Variants in KCNQ5 observed in about 807,000 individuals in gnomAD.
The protein encoded by KCNQ5 is potassium voltage-gated channel subfamily Q member 5.
In KCNQ5, 30 loss-of-function variants were observed where a neutral mutation model predicts 98.2. The observed-to-expected ratio is 0.31, with a 90% CI of 0.23 to 0.41. The LOEUF (loss-of-function observed/expected upper bound fraction) is 0.41. Ranked by LOEUF, KCNQ5 falls within the 10% of genes least tolerant of loss-of-function variation. The pLI, the probability that KCNQ5 is intolerant of heterozygous loss-of-function variation, is 1.00. For synonymous variants in KCNQ5, 458 were observed against 449.4 expected (o/e 1.02, Z -0.24); for missense variants, 835 against 1,182.5 (o/e 0.71, Z 4.31).
rs574105162 is a variant in KCNQ5, at chr6:72,816,593, T to C, written c.399-187315T>C. Among the ~76,000 whole-genome samples, 8 of 152,280 alleles carry C rather than the reference T, an allele frequency of 5.3e-5. No individual in the cohort carries two copies. In the East Asian group the frequency reaches 1.5e-3, roughly 29 times the overall value. On this transcript the variant is annotated intron_variant, in intron 1 of 13. Transcript: ENST00000370398. The stretch of plus-strand genomic sequence containing the variant: ...GGAAAATATGGGATCAAGGATGTAA[T>C]TGACATGTTCCAATTTTATGAAATC...
At chr6:72,710,406 C>CA (rs749873772) in intron 1 of KCNQ5, among the ~76,000 whole-genome samples, 9 of 151,914 alleles carry the variant, frequency 5.9e-5, no homozygotes, top group Non-Finnish European at 1.2e-4. Flanking sequence ...ATTTAAAAAG[C>CA]AAAACAAAAC....
At chr6:73,103,609 A>G (rs1006856892) in intron 5 of KCNQ5, among the ~76,000 whole-genome samples, 1 of 152,184 alleles carries the variant, frequency 6.6e-6, no homozygotes, top group Non-Finnish European at 1.5e-5. Flanking sequence ...CATTGTGCAC[A>G]TGTACCCTAG....
intron 5 of KCNQ5, among the ~76,000 whole-genome samples, chr6:73,081,048 G>A (rs1363713060): frequency 6.6e-6 from 1 of 152,202 alleles, no homozygotes; most frequent in Non-Finnish European, 1.5e-5. Flanking sequence ...AAATATGAGA[G>A]CTATTGTTGG....
chr6:72,805,588 G>A (rs1217476444), intron 1 of KCNQ5, among the ~76,000 whole-genome samples: 4 of 152,064 alleles, frequency 2.6e-5, no homozygotes, highest in Non-Finnish European at 5.9e-5. Context: ...GGTACAATTT[G>A]AAGCCAGCTA....
At chr6:73,074,197 A>G (rs1158552452) in intron 3 of KCNQ5, among the ~76,000 whole-genome samples, 1 of 152,234 alleles carries the variant, frequency 6.6e-6, no homozygotes, top group East Asian at 1.9e-4. Flanking sequence ...CCACCATTCT[A>G]TGAAATAGTA....
At chr6:72,734,209 T>C (rs886420061) in intron 1 of KCNQ5, among the ~76,000 whole-genome samples, 2 of 152,224 alleles carry the variant, frequency 1.3e-5, no homozygotes, top group Non-Finnish European at 2.9e-5. Flanking sequence ...GATTTCCTTC[T>C]CAAGTTCAAG....
At chr6:72,711,141 C>A (rs1324176113) in intron 1 of KCNQ5, among the ~76,000 whole-genome samples, 1 of 151,842 alleles carries the variant, frequency 6.6e-6, no homozygotes, top group African/African-American at 2.4e-5. Context: ...AAGAGTGGGG[C>A]CTTAATCCAA....
At chr6:73,028,484 C>T (rs750831338) in intron 2 of KCNQ5, among the ~76,000 whole-genome samples, 8 of 152,164 alleles carry the variant, frequency 5.3e-5, no homozygotes, top group African/African-American at 1.2e-4. Context: ...CCAGCCACCC[C>T]GTTCACTCTG....
At chr6:72,854,886 A>G (rs998276697) in intron 1 of KCNQ5, among the ~76,000 whole-genome samples, 3 of 151,726 alleles carry the variant, frequency 2.0e-5, no homozygotes, top group African/African-American at 7.3e-5. Flanking sequence ...GCCTTGTGGA[A>G]GGAAAGACAT....
At chr6:72,623,992 T>TG (rs1331058187) in intron 1 of KCNQ5, among the ~76,000 whole-genome samples, 3 of 152,168 alleles carry the variant, frequency 2.0e-5, no homozygotes, top group Non-Finnish European at 4.4e-5. Flanking sequence ...CTACAATCTG[T>TG]GGGGCTCTGG....
intron 1 of KCNQ5, among the ~76,000 whole-genome samples, chr6:72,877,312 G>A (rs1778445988): frequency 6.6e-6 from 1 of 152,122 alleles, no homozygotes; most frequent in African/African-American, 2.4e-5. Flanking sequence ...AGAACATGTA[G>A]TATTTGGTTT....
chr6:72,707,224 G>T (rs528744107), intron 1 of KCNQ5, among the ~76,000 whole-genome samples: 1 of 152,110 alleles, frequency 6.6e-6, no homozygotes, highest in East Asian at 1.9e-4. Flanking sequence ...TGGATTTTAC[G>T]AATGTTGCCT....
intron 1 of KCNQ5, among the ~76,000 whole-genome samples, chr6:72,873,364 G>T (rs74362574): frequency 1.3e-5 from 2 of 152,026 alleles, no homozygotes; most frequent in African/African-American, 2.4e-5. Flanking sequence ...TCGCCAATAT[G>T]GTGTGCCCTT....
At chr6:73,167,280 G>T (rs566858491) in intron 10 of KCNQ5, among the ~76,000 whole-genome samples, 5 of 152,300 alleles carry the variant, frequency 3.3e-5, no homozygotes, top group African/African-American at 1.2e-4. Flanking sequence ...ACATGTATCT[G>T]ACAGGAGCAG....
At chr6:73,031,858 G>T (rs1001866810) in intron 2 of KCNQ5, among the ~76,000 whole-genome samples, 1 of 152,208 alleles carries the variant, frequency 6.6e-6, no homozygotes, top group East Asian at 1.9e-4. Flanking sequence ...GGAAGAAGCA[G>T]ATTTTCTGGA....
intron 1 of KCNQ5, among the ~76,000 whole-genome samples, chr6:72,864,920 G>A (rs1422370757): frequency 1.3e-5 from 2 of 152,196 alleles, no homozygotes; most frequent in East Asian, 3.9e-4. Context: ...GGGAAAACTA[G>A]CATTGTAAGA....
intron 3 of KCNQ5, chr6:73,055,476 A>G (rs1772442115): frequency 3.9e-6 from 6 of 1,551,470 alleles, no homozygotes; most frequent in Non-Finnish European, 5.3e-6. Context: ...GAGCCCTACC[A>G]TCCTTTCTAC....
intron 1 of KCNQ5, among the ~76,000 whole-genome samples, chr6:72,800,450 T>C (rs1391934930): frequency 6.6e-6 from 1 of 152,228 alleles, no homozygotes; most frequent in African/African-American, 2.4e-5. Flanking sequence ...TAGTTTGTAT[T>C]TCTGTGGGAT....
intron 1 of KCNQ5, among the ~76,000 whole-genome samples, chr6:72,628,906 C>G (rs1368803374): frequency 6.6e-6 from 1 of 152,200 alleles, no homozygotes; most frequent in Admixed American, 6.5e-5. Flanking sequence ...AGCCACCACA[C>G]CTGGCCCAAA....
Sources: gnomAD v4.1 joint callset for allele counts (sites outside exome capture counted in the v4.1 genomes callset) on GRCh38, gnomAD v4.1.1 for gene constraint, MANE v1.5 for transcripts, NCBI Gene and HGNC (gene_info 2026-07-23, HGNC 2026-07-21) for gene names.